Variants in TGFBR3 observed in about 807,000 individuals in gnomAD.
The protein encoded by TGFBR3 is transforming growth factor beta receptor 3, also known as transforming growth factor beta receptor type 3.
TGFBR3 carries 46 observed loss-of-function variants against 87.9 expected under a neutral mutation model. The ratio of observed to expected loss-of-function variants is 0.52; its 90% CI spans 0.41 to 0.67. The LOEUF is 0.67. TGFBR3 is among the 30% of genes least tolerant of loss of function. TGFBR3 has a pLI of 0.00. For missense variants in TGFBR3, 866 were observed against 1,041.9 expected (o/e 0.83, Z 2.32); for synonymous variants, 381 against 391.6 (o/e 0.97, Z 0.32).
intron 2 of TGFBR3, among the ~76,000 whole-genome samples, chr1:91,828,302 G>A (rs1056063527): frequency 3.9e-5 from 6 of 152,056 alleles, no homozygotes; most frequent in South Asian, 2.1e-4. Context: ...CCACACCCCC[G>A]TCAATATTTT....
chr1:91,769,538 C>T (rs904026444), intron 3 of TGFBR3, among the ~76,000 whole-genome samples: 3 of 152,156 alleles, frequency 2.0e-5, no homozygotes, highest in South Asian at 2.1e-4. Flanking sequence ...ACTATCATGA[C>T]CAACAACATC....
At chr1:91,905,853 TGTG>T (rs1189303235) in exon 1 of TGFBR3, 1 of 152,216 alleles carries the variant, frequency 6.6e-6, no homozygotes, top group African/African-American at 2.4e-5. Context: ...TCTGCTTCCT[TGTG>T]TGTGCTGGCA....
At chr1:91,827,989 C>T (rs182864735) in intron 2 of TGFBR3, among the ~76,000 whole-genome samples, 199 of 152,302 alleles carry the variant, frequency 1.3e-3, no homozygotes, top group Non-Finnish European at 2.6e-3. Flanking sequence ...GATGCAGAGA[C>T]ACCAGTTCAG....
chr1:91,846,116 G>A (rs936775897), intron 2 of TGFBR3, among the ~76,000 whole-genome samples: 1 of 152,068 alleles, frequency 6.6e-6, no homozygotes, highest in African/African-American at 2.4e-5. Flanking sequence ...AAACAATATA[G>A]CCACAAGCAC....
At position 91,700,051 on chromosome 1, in the gene TGFBR3, T is replaced by C. The variant is rs151130949; in HGVS notation, c.2288-1921A>G. On this transcript the variant is annotated intron_variant, in intron 14 of 16. Transcript: ENST00000212355. ...AATTGACTCCATAAATGAAGTTTTA[T>C]ATGGATGCAGCTATGCTTATTTACA... 1.8e-3 allele frequency among the ~76,000 whole-genome samples: 270 copies of C among 152,378 alleles called. 1 individual carries two copies. The highest frequency in any genetic ancestry group is 6.4e-3 in the African/African-American group (265 of 41,590).
chr1:91,763,337 G>A (rs1222501635), intron 3 of TGFBR3, among the ~76,000 whole-genome samples: 1 of 152,186 alleles, frequency 6.6e-6, no homozygotes, highest in Non-Finnish European at 1.5e-5. Flanking sequence ...TTGCTAACGT[G>A]TCAGTGAGGT....
At chr1:91,875,782 GGC>G (rs201277033) in intron 1 of TGFBR3, among the ~76,000 whole-genome samples, 466 of 22,750 alleles carry the variant, frequency 0.02, 101 homozygotes, top group East Asian at 0.11. Flanking sequence ...CAGCTACTCG[GGC>G]GGGGGGGGGG....
intron 4 of TGFBR3, among the ~76,000 whole-genome samples, chr1:91,744,349 G>T (rs905485248): frequency 1.3e-5 from 2 of 152,092 alleles, no homozygotes; most frequent in African/African-American, 2.4e-5. Flanking sequence ...GCCTCCCAAA[G>T]TGCTGGGATT....
chr1:91,682,364 G>T lies in TGFBR3; in HGVS notation c.*1375C>A, dbSNP rs72714407. On this transcript the variant is annotated 3_prime_UTR_variant, in exon 17 of 17. Transcript: ENST00000212355. ...ATAATTTGCAATGAAGCTATCTTCA[G>T]CAGTAAAATAATTTAGCATGATAAT... 2.4e-3 allele frequency: 1,058 copies of T among 449,992 alleles called. 10 individuals carry two copies. Among genetic ancestry groups the T allele is most frequent in the South Asian group, 8.0e-3 (510 of 63,954 alleles). The allele number at this position is 449,992 out of a possible 1,614,324, so 27.9% of individuals were successfully genotyped here. A position where few individuals can be genotyped will look rare whatever the true frequency, so the allele number is the denominator to read the frequency against.
At chr1:91,769,285 C>T (rs533334821) in intron 3 of TGFBR3, among the ~76,000 whole-genome samples, 23 of 152,196 alleles carry the variant, frequency 1.5e-4, no homozygotes, top group Non-Finnish European at 3.2e-4. Context: ...CCCTTGGTTC[C>T]TATGGAAGGA....
chr1:91,808,015 T>C (rs1332740885), intron 2 of TGFBR3, among the ~76,000 whole-genome samples: 1 of 152,210 alleles, frequency 6.6e-6, no homozygotes, highest in East Asian at 1.9e-4. Flanking sequence ...AAAAACTGTT[T>C]TCTCTAAAAA....
intron 2 of TGFBR3, among the ~76,000 whole-genome samples, chr1:91,800,157 C>T (rs765750174): frequency 2.7e-5 from 4 of 148,740 alleles, no homozygotes; most frequent in African/African-American, 5.0e-5. Context: ...TTTGGAAGGC[C>T]AAGGCAGGTG....
At chr1:91,808,188 G>A (rs1247851063) in intron 2 of TGFBR3, among the ~76,000 whole-genome samples, 1 of 152,230 alleles carries the variant, frequency 6.6e-6, no homozygotes, top group African/African-American at 2.4e-5. Flanking sequence ...CCAGCACTAT[G>A]GGAGGCCAAA....
chr1:91,905,345 G>A (rs911808676), intron 1 of TGFBR3, among the ~76,000 whole-genome samples: 3 of 152,154 alleles, frequency 2.0e-5, no homozygotes, highest in Admixed American at 1.3e-4. Flanking sequence ...AATTTAGCAT[G>A]CCAAACCAAT....
intron 3 of TGFBR3, among the ~76,000 whole-genome samples, chr1:91,786,684 G>A (rs1276694032): frequency 6.6e-6 from 1 of 152,006 alleles, no homozygotes; most frequent in Non-Finnish European, 1.5e-5. Flanking sequence ...TCGGGAGGCG[G>A]AGGTTGCAGT....
chr1:91,745,473 TG>T (rs1305114938), intron 4 of TGFBR3, among the ~76,000 whole-genome samples: 1 of 152,194 alleles, frequency 6.6e-6, no homozygotes, highest in African/African-American at 2.4e-5. Flanking sequence ...GAGGTTTAAG[TG>T]GGATCTACAG....
At position 91,680,525 on chromosome 1, in the gene TGFBR3, G is replaced by T. The variant is rs1670873403; in HGVS notation, c.*3214C>A. 4.4e-6 allele frequency: 2 copies of T among 453,908 alleles called. No individual in the cohort carries two copies. Among genetic ancestry groups the T allele is most frequent in the South Asian group, 1.6e-5 (1 of 64,480 alleles). The allele number at this position is 453,908 out of a possible 1,614,324, so 28.1% of individuals were successfully genotyped here. A position where few individuals can be genotyped will look rare whatever the true frequency, so the allele number is the denominator to read the frequency against. On this transcript the variant is annotated 3_prime_UTR_variant, in exon 17 of 17. Transcript: ENST00000212355. ...GGGTACTCGTTTTACCCTCATAGAT[G>T]ATGAAAACCAGCAACAAAATCAGGC... is the stretch of plus-strand genomic sequence containing the variant.
At chr1:91,742,336 T>A (rs17878387) in intron 4 of TGFBR3, among the ~76,000 whole-genome samples, 4,052 of 152,304 alleles carry the variant, frequency 0.027, 158 homozygotes, top group African/African-American at 0.09. Context: ...CCCTTGGGCC[T>A]GGCATAGTGC....
chr1:91,768,110 G>A (rs1409768529), intron 3 of TGFBR3, among the ~76,000 whole-genome samples: 1 of 151,898 alleles, frequency 6.6e-6, no homozygotes. Flanking sequence ...TACTCAGGAG[G>A]CTGAGGCAGG....
Sources: gnomAD v4.1 joint callset for allele counts (sites outside exome capture counted in the v4.1 genomes callset) on GRCh38, gnomAD v4.1.1 for gene constraint, MANE v1.5 for transcripts, NCBI Gene and HGNC (gene_info 2026-07-23, HGNC 2026-07-21) for gene names.